The following CDH26 variants were observed in gnomAD, a reference collection of about 807,000 sequenced individuals.
CDH26 encodes cadherin-like protein 26.
A neutral mutation model predicts 90.3 loss-of-function variants in CDH26; 83 were observed. The ratio of observed to expected loss-of-function variants is 0.92; its 90% CI spans 0.77 to 1.10. The LOEUF (loss-of-function observed/expected upper bound fraction) is 1.10. Among genes scored for constraint, CDH26 ranks in the 50% least tolerant of loss-of-function variants. The pLI, the probability that CDH26 is intolerant of heterozygous loss-of-function variation, is 0.00. For missense variants in CDH26, 1,013 were observed against 1,037.6 expected, an observed-to-expected ratio of 0.98 and a Z score of 0.33; for synonymous variants, 397 against 396.3, an observed-to-expected ratio of 1.00 and a Z score of -0.02.
chr20:60,035,656 A>G (rs2062076743), downstream of CDH26, among the ~76,000 whole-genome samples: 1 of 152,126 alleles, frequency 6.6e-6, no homozygotes, highest in Non-Finnish European at 1.5e-5. Context: ...CCCTCATTCA[A>G]ATCTCATCTC....
Position 60,012,609 on chromosome 20 carries a change from C to A in CDH26, c.2378C>A (p.Ala793Asp), listed in dbSNP as rs2061861719. ...AGCGAGGAAGGGGAGTGTGGAGGGG[C>A]CCCATCCCTCAGCTCTCTGGCCAGC... The part of the protein sequence containing the change: ...VYSEEGECGG[A>D]PSLSSLASLE... Residue 793 changes from alanine to aspartate, a missense_variant, in exon 18 of 18, where the codon GCC becomes GAC. Transcript: ENST00000348616. 21 of 1,614,148 alleles carry A rather than the reference C, an allele frequency of 1.3e-5. No homozygotes were observed. The highest frequency in any genetic ancestry group is 1.7e-5 in the Non-Finnish European group (20 of 1,180,024).
At chr20:59,972,318 G>A (rs2145975704) in intron 4 of CDH26, among the ~76,000 whole-genome samples, 195 bp downstream of exon 4, 1 of 152,304 alleles carries the variant, frequency 6.6e-6, no homozygotes, top group Admixed American at 6.5e-5. Context: ...GCTTTGTAAT[G>A]ATTTCTGCAA....
intron 4 of CDH26, among the ~76,000 whole-genome samples, chr20:59,975,069 G>A (rs1046358484): frequency 6.6e-6 from 1 of 152,130 alleles, no homozygotes; most frequent in East Asian, 1.9e-4. Flanking sequence ...TGAACAAGCA[G>A]AGTAAAATGT....
At chr20:59,990,890 G>A (rs1240239942) in intron 9 of CDH26, among the ~76,000 whole-genome samples, 1 of 149,734 alleles carries the variant, frequency 6.7e-6, no homozygotes, top group South Asian at 2.1e-4. Context: ...TTTTTTTTGA[G>A]ATGGAGTCTC....
At chr20:60,009,026 TC>T (rs892137735) in intron 17 of CDH26, among the ~76,000 whole-genome samples, 2 of 152,142 alleles carry the variant, frequency 1.3e-5, no homozygotes, top group African/African-American at 4.8e-5. Flanking sequence ...CATGTGTCTC[TC>T]CCGAGCCGAC....
At position 59,972,084 on chromosome 20, in the gene CDH26, T is replaced by C. The variant is rs369661518; in HGVS notation, c.354T>C (p.Val118=). Reference sequence around the variant, plus strand: ...ATCATGAGAACGGAAGGATATATGTTCACCGCCCTGTCGATCGAGAAATGA... The same window carrying C: ...ATCATGAGAACGGAAGGATATATGTCCACCGCCCTGTCGATCGAGAAATGA... ...LEDHENGRIY[V]HRPVDREMTP... The change falls in exon 4 of 18, where the codon GTT becomes GTC. Residue 118 remains valine, a synonymous_variant. Coordinates refer to ENST00000348616, the MANE Select transcript of CDH26 (RefSeq NM_177980.4). 7 of 1,613,926 alleles carry C rather than the reference T, an allele frequency of 4.3e-6. No individual in the cohort carries two copies. Among genetic ancestry groups the C allele is most frequent in the Non-Finnish European group, 5.1e-6 (6 of 1,179,972 alleles).
At chr20:59,996,876 T>A (rs1343330123) in intron 13 of CDH26, 115 bp downstream of exon 13, 2 of 1,382,406 alleles carry the variant, frequency 1.4e-6, no homozygotes, top group Non-Finnish European at 2.0e-6. Flanking sequence ...CTTACCCGTG[T>A]TTCAGTAGCA....
At chr20:59,987,894 TTTG>T (rs914872849) in intron 8 of CDH26, among the ~76,000 whole-genome samples, 4 of 152,358 alleles carry the variant, frequency 2.6e-5, no homozygotes, top group Admixed American at 6.5e-5. Flanking sequence ...CATTTAATTT[TTTG>T]TTGTTGTAGG....
intron 11 of CDH26, among the ~76,000 whole-genome samples, chr20:59,995,079 G>T (rs2061576272): frequency 6.6e-6 from 1 of 152,160 alleles, no homozygotes; most frequent in African/African-American, 2.4e-5. Flanking sequence ...ACTGTGGCAC[G>T]GTTTCAGCTG....
chr20:59,971,675 T>C (rs1203107829), intron 3 of CDH26, among the ~76,000 whole-genome samples: 2 of 152,224 alleles, frequency 1.3e-5, no homozygotes, highest in Non-Finnish European at 2.9e-5. Flanking sequence ...CTTTAAAGGC[T>C]ACAGAGTATC....
At chr20:59,959,851 G>C (rs1281492232) in intron 1 of CDH26, among the ~76,000 whole-genome samples, 3 of 152,254 alleles carry the variant, frequency 2.0e-5, no homozygotes, top group African/African-American at 4.8e-5. Context: ...ATACAAACTA[G>C]TGGAGTCAGG....
At chr20:59,997,912 C>T (rs2061620367) in intron 13 of CDH26, among the ~76,000 whole-genome samples, 1 of 152,220 alleles carries the variant, frequency 6.6e-6, no homozygotes, top group Non-Finnish European at 1.5e-5. Context: ...ATTTTGTCTT[C>T]CCTGCGGCAT....
At position 59,985,037 on chromosome 20, in the gene CDH26, G is replaced by T. The variant is rs1470990657; in HGVS notation, c.745G>T (p.Asp249Tyr). ...PQFTLLIRAR[D>Y]CGEPSLSSTT... ...GTTTACACTGCTAATCAGAGCCAGGGACTGTGGAGAACCGTCACTGTCATC... is the reference window on the plus strand; with the variant it reads ...GTTTACACTGCTAATCAGAGCCAGGTACTGTGGAGAACCGTCACTGTCATC... The change falls in exon 7 of 18, where the codon GAC becomes TAC. Residue 249 changes from aspartate (D) to tyrosine (Y), a missense_variant. Transcript: ENST00000348616. 6.2e-7 allele frequency: 1 copy of T among 1,613,906 alleles called. No homozygotes were observed. The highest frequency in any genetic ancestry group is 8.5e-7 in the Non-Finnish European group (1 of 1,180,012).
chr20:60,031,495 G>A (rs1273603904), intron 8 of CDH26: 4 of 1,044,120 alleles, frequency 3.8e-6, no homozygotes, highest in African/African-American at 1.7e-5. Context: ...ATGAATTCAG[G>A]CGTTCAAGTT....
chr20:59,981,913 G>T (rs2061399607), intron 4 of CDH26, among the ~76,000 whole-genome samples: 1 of 151,836 alleles, frequency 6.6e-6, no homozygotes, highest in African/African-American at 2.4e-5. Context: ...TTTCTTGAAA[G>T]ATTTTAAACT....
At chr20:59,995,035 C>G (rs2061575698) in intron 11 of CDH26, among the ~76,000 whole-genome samples, 2 of 152,218 alleles carry the variant, frequency 1.3e-5, no homozygotes, top group African/African-American at 2.4e-5. Context: ...ACTGTCAACA[C>G]TCTCTTCTGT....
chr20:59,989,198 A>G (rs774990267), intron 9 of CDH26, 35 bp downstream of exon 9: 1 of 1,610,294 alleles, frequency 6.2e-7, no homozygotes, highest in South Asian at 1.1e-5. Context: ...CGGTTGTTTA[A>G]GTGGAAATAG....
chr20:60,001,597 T>C (rs1396939388), intron 15 of CDH26, 186 bp downstream of exon 15: 18 of 985,496 alleles, frequency 1.8e-5, no homozygotes, highest in Non-Finnish European at 2.2e-5. Context: ...CTAGGTATTA[T>C]TATTGGTGAT....
chr20:60,027,491 C>T (rs1701579308), intron 7 of CDH26, among the ~76,000 whole-genome samples: 3 of 152,080 alleles, frequency 2.0e-5, no homozygotes, highest in South Asian at 2.1e-4. Context: ...TCCTATTCTT[C>T]GATGTGTTTC....
Sources: gnomAD v4.1 joint callset for allele counts (sites outside exome capture counted in the v4.1 genomes callset) on GRCh38, gnomAD v4.1.1 for gene constraint, MANE v1.5 for transcripts, NCBI Gene and HGNC (gene_info 2026-07-23, HGNC 2026-07-21) for gene names.